The following MYO1C variants were observed in gnomAD, a reference collection of about 807,000 sequenced individuals.
MYO1C encodes unconventional myosin-Ic.
A neutral mutation model predicts 150.8 loss-of-function variants in MYO1C; 104 were observed. That is an observed-to-expected ratio of 0.69 (90% CI 0.59 to 0.81). The LOEUF (loss-of-function observed/expected upper bound fraction) is 0.81, where lower values mean the gene tolerates loss of function less well. Ranked by LOEUF, MYO1C falls within the 30% of genes least tolerant of loss-of-function variation. The pLI is 0.00. For synonymous variants in MYO1C, 663 were observed against 579.9 expected (o/e 1.14, Z -2.06); for missense variants, 1,504 against 1,435.0 (o/e 1.05, Z -0.78).
In MYO1C at chr17:1,479,580, C is replaced by A; in HGVS notation, c.1020+12G>T. The A allele has an allele frequency of 4.4e-6, 7 of 1,602,516 alleles. No homozygotes were observed. The highest frequency in any genetic ancestry group is 6.0e-6 in the Non-Finnish European group (7 of 1,172,904). ...CGCCGTCCTCCCGTCGCCCTCTGCC[C>A]GCCCCACTCACCCTGGTCAGATACT... On this transcript the variant is annotated intron_variant, in intron 8 of 31. Transcript: ENST00000648651. The surrounding 1 kb of genome is among the most constrained non-coding windows in gnomAD (Gnocchi z 4.2).
In MYO1C at chr17:1,472,131, T is replaced by C; in HGVS notation, c.1895A>G (p.Lys632Arg). The change falls in exon 18 of 32, where the codon AAA becomes AGA. Residue 632 changes from lysine (K) to arginine (R), a missense_variant. Transcript: ENST00000648651. Reference protein sequence around the residue: ...YVRCIKPNDAKQPGRFDEVLI... With the variant: ...YVRCIKPNDARQPGRFDEVLI... ...CCGTGGGAGGGGCCTACCGGGCTGT[T>C]TGGCATCATTGGGTTTGATGCAGCG... 1.2e-6 allele frequency: 2 copies of C among 1,614,084 alleles called. No homozygotes were observed. Among genetic ancestry groups the C allele is most frequent in the Non-Finnish European group, 1.7e-6 (2 of 1,179,958 alleles).
intron 31 of MYO1C, among the ~76,000 whole-genome samples, chr17:1,466,402 C>G (rs1598316555): frequency 6.6e-6 from 1 of 152,228 alleles, no homozygotes; most frequent in East Asian, 1.9e-4. Flanking sequence ...GCAATCTCGG[C>G]TCACCGCAAC....
At position 1,478,040 on chromosome 17, in the gene MYO1C, C is replaced by T; in HGVS notation, c.1401+47G>A. 2 of 1,612,150 alleles carry T rather than the reference C, an allele frequency of 1.2e-6. No homozygotes were observed. The highest frequency in any genetic ancestry group is 1.7e-6 in the Non-Finnish European group (2 of 1,178,244). On this transcript the variant is annotated intron_variant, in intron 12 of 31. Coordinates refer to ENST00000648651, the MANE Select transcript of MYO1C (RefSeq NM_001080779.2). The surrounding 1 kb of genome is among the most constrained non-coding windows in gnomAD (Gnocchi z 6.3). ...CACCCTCTCCCAGGGGCCCCGATAC[C>T]CAGGCTCCCCGTGGCCCACGGAGAG...
At chr17:1,488,607 G>A (rs1194519044) in intron 1 of MYO1C, among the ~76,000 whole-genome samples, 1 of 152,252 alleles carries the variant, frequency 6.6e-6, no homozygotes, top group Non-Finnish European at 1.5e-5. Flanking sequence ...CTGGAACCCG[G>A]GCACTGGAAC....
chr17:1,469,516 C>G lies in MYO1C; in HGVS notation c.2610+15G>C. 1 of 1,598,968 alleles carries G rather than the reference C, an allele frequency of 6.3e-7. No homozygotes were observed. The highest frequency in any genetic ancestry group is 8.5e-7 in the Non-Finnish European group (1 of 1,171,142). ...ACTCCACTTCCTCATCCTCACCCAG[C>G]CCCGCTCTCCGTACCTGCTGCTTCC... On this transcript the variant is annotated intron_variant, in intron 25 of 31. Coordinates refer to ENST00000648651, the MANE Select transcript of MYO1C (RefSeq NM_001080779.2).
rs1234220686 is a variant in MYO1C at position 1,471,892 on chromosome 17, A to T, written c.2021+15T>A. On this transcript the variant is annotated intron_variant, in intron 19 of 31. Transcript: ENST00000648651. ...CCGCTCCCCTTCCCTGGCACCGAGCAGGACCTGCCCCCACCTTTGCAGGAA... is the reference window on the plus strand; with the variant it reads ...CCGCTCCCCTTCCCTGGCACCGAGCTGGACCTGCCCCCACCTTTGCAGGAA... 1 of 1,612,726 alleles carries T rather than the reference A, an allele frequency of 6.2e-7. No individual in the cohort carries two copies. Among genetic ancestry groups the T allele is most frequent in the East Asian group, 2.2e-5 (1 of 44,876 alleles).
chr17:1,491,393 C>T (rs1429386743), intron 1 of MYO1C, among the ~76,000 whole-genome samples: 1 of 152,044 alleles, frequency 6.6e-6, no homozygotes, highest in Non-Finnish European at 1.5e-5. Flanking sequence ...CTCCCGCTCC[C>T]CGCAGGTAAA....
intron 2 of MYO1C, 129 bp downstream of exon 2, chr17:1,484,019 G>C: frequency 8.2e-7 from 1 of 1,222,660 alleles, no homozygotes; most frequent in Non-Finnish European, 1.1e-6. Flanking sequence ...TCCAGCCTGG[G>C]CAACAAGAGT....
Position 1,480,873 on chromosome 17 carries a change from C to T in MYO1C, c.640G>A (p.Gly214Ser). The T allele has an allele frequency of 1.2e-6, 2 of 1,614,062 alleles. No individual in the cohort carries two copies. The highest frequency in any genetic ancestry group is 1.7e-6 in the Non-Finnish European group (2 of 1,180,014). The change falls in exon 6 of 32, where the codon GGT becomes AGT. Residue 214 changes from glycine (G) to serine (S), a missense_variant. Gly to Ser is a moderately conservative substitution (Grantham distance 56). Transcript: ENST00000648651. ...VQFDFKGAPV[G>S]GHILSYLLEK... ...AGGAGGTAACTGAGGATGTGGCCAC[C>T]CACGGGGGCACCCTGTGGGCAGGGC... is the stretch of plus-strand genomic sequence containing the variant.
intron 1 of MYO1C, chr17:1,485,641 G>A: frequency 8.5e-7 from 1 of 1,181,246 alleles, no homozygotes; most frequent in Non-Finnish European, 1.1e-6. Flanking sequence ...ACGCCGCGAG[G>A]TGGGGAGGGA....
Position 1,484,225 on chromosome 17 carries a change from C to G in MYO1C, c.154G>C (p.Val52Leu). 1 of 1,612,892 alleles carries G rather than the reference C, an allele frequency of 6.2e-7. No individual in the cohort carries two copies. The highest frequency in any genetic ancestry group is 8.5e-7 in the Non-Finnish European group (1 of 1,180,012). ...TCGCTGGTGAAGTTCTCCAGCAGCACGAAATCCTGCACCCCCACCCGGTCA... is the reference window on the plus strand; with the variant it reads ...TCGCTGGTGAAGTTCTCCAGCAGCAGGAAATCCTGCACCCCCACCCGGTCA... ...ARDRVGVQDF[V>L]LLENFTSEAA... The change falls in exon 2 of 32, where the codon GTG (valine) becomes CTG (leucine). Residue 52 changes from valine to leucine, a missense_variant. By Grantham distance (32) the Val-to-Leu change is conservative. Transcript: ENST00000648651.
chr17:1,469,787 C>T (rs2074260308), intron 24 of MYO1C, among the ~76,000 whole-genome samples, 173 bp from the exon 25 acceptor site: 1 of 152,100 alleles, frequency 6.6e-6, no homozygotes, highest in Admixed American at 6.5e-5. Context: ...GGAATCCCAG[C>T]ACTTTGGGAG....
Position 1,479,323 on chromosome 17 carries a change from C to T in MYO1C, c.1092+108G>A, listed in dbSNP as rs2074464810. On this transcript the variant is annotated intron_variant, in intron 9 of 31. Transcript: ENST00000648651. This position sits in a 1 kb window ranked among gnomAD's most constrained non-coding sequence, Gnocchi z 4.2. Reference sequence around the variant, plus strand: ...TCTGCTTCTCTGAGCAGCCTTCCTTCCATCCCTCCAGCATTGCTGAGGGAA... The same window carrying T: ...TCTGCTTCTCTGAGCAGCCTTCCTTTCATCCCTCCAGCATTGCTGAGGGAA... The T allele has an allele frequency of 1.3e-6, 1 of 743,264 alleles. No homozygotes were observed. Among genetic ancestry groups the T allele is most frequent in the Non-Finnish European group, 2.3e-6 (1 of 427,260 alleles). 46.0% of individuals were successfully genotyped at this position (743,264 alleles called of 1,614,324 possible).
At chr17:1,466,151 G>GC (rs1191953809) in intron 31 of MYO1C, among the ~76,000 whole-genome samples, 5 of 123,144 alleles carry the variant, frequency 4.1e-5, no homozygotes, top group South Asian at 2.4e-4. Flanking sequence ...TTGCCGTGCT[G>GC]CCTTTTTTTT....
At chr17:1,484,393 A>G (rs1214331326) in intron 1 of MYO1C, 90 bp from the exon 2 acceptor site, 1 of 1,506,258 alleles carries the variant, frequency 6.6e-7, no homozygotes, top group African/African-American at 1.4e-5. Context: ...GAGGGAACGT[A>G]GGGGCTTGTG....
chr17:1,472,942 T>G lies in MYO1C; in HGVS notation c.1798-714A>C, dbSNP rs190616824. Among the ~76,000 whole-genome samples the G allele has an allele frequency of 5.9e-3, 896 of 152,332 alleles. 5 individuals are homozygous for G. Among genetic ancestry groups the G allele is most frequent in the Non-Finnish European group, 9.2e-3 (628 of 68,032 alleles). The stretch of plus-strand genomic sequence containing the variant: ...GGAGCCGGGCGCGGTGGCTCACGCC[T>G]GTCATCCCAGCACTTTGGGAGGCCG... On this transcript the variant is annotated intron_variant, in intron 17 of 31. Transcript: ENST00000648651.
In MYO1C at chr17:1,474,697, G is replaced by C. The variant is rs781536379; in HGVS notation, c.1717-7C>G. On this transcript the variant is annotated splice_polypyrimidine_tract_variant and splice_region_variant and intron_variant, in intron 16 of 31. Coordinates refer to ENST00000648651, the MANE Select transcript of MYO1C (RefSeq NM_001080779.2). Reference sequence around the variant, plus strand: ...TCTTTGAGCTACACATGGTCTGTGTGGGCAGAGCCGGGGTCAGGGTGGGGC... The same window carrying C: ...TCTTTGAGCTACACATGGTCTGTGTCGGCAGAGCCGGGGTCAGGGTGGGGC... 1.2e-6 allele frequency: 2 copies of C among 1,613,978 alleles called. No individual in the cohort carries two copies. Among genetic ancestry groups the C allele is most frequent in the Middle Eastern group, 1.7e-4 (1 of 6,060 alleles).
At chr17:1,484,805 CGT>C (rs1269426451) in intron 1 of MYO1C, 1 of 390,280 alleles carries the variant, frequency 2.6e-6, no homozygotes, top group Non-Finnish European at 5.1e-6. Context: ...CTCTGAGCCA[CGT>C]GTGACAGGTG....
At chr17:1,483,257 C>G (rs1016647728) in intron 3 of MYO1C, among the ~76,000 whole-genome samples, 198 bp from the exon 4 acceptor site, 1 of 151,716 alleles carries the variant, frequency 6.6e-6, no homozygotes, top group Non-Finnish European at 1.5e-5. Context: ...AGCGGGAGGA[C>G]TGAGAGGCTC....
Sources: gnomAD v4.1 joint callset for allele counts (sites outside exome capture counted in the v4.1 genomes callset) on GRCh38, gnomAD v4.1.1 for gene constraint, Gnocchi (gnomAD v3.1) non-coding constraint, MANE v1.5 for transcripts, NCBI Gene and HGNC (gene_info 2026-07-23, HGNC 2026-07-21) for gene names.